The following ARL8B variants were observed in gnomAD, a reference collection of about 807,000 sequenced individuals.
ARL8B encodes ARF like GTPase 8B.
Under a neutral mutation model 30.6 loss-of-function variants are expected in ARL8B, and 9 were observed. That is an observed-to-expected ratio of 0.29 (90% CI 0.18 to 0.51). The LOEUF (loss-of-function observed/expected upper bound fraction) is 0.51, where lower values mean the gene tolerates loss of function less well. Among genes scored for constraint, ARL8B ranks in the 20% least tolerant of loss-of-function variants. The pLI, the probability that ARL8B is intolerant of heterozygous loss-of-function variation, is 0.97. For synonymous variants in ARL8B, 74 were observed against 76.0 expected, an observed-to-expected ratio of 0.97 and a Z score of 0.14; for missense variants, 130 against 227.2, an observed-to-expected ratio of 0.57 and a Z score of 2.75.
In ARL8B at chr3:5,166,871, A is replaced by C. The variant is rs958335997; in HGVS notation, c.124-3632A>C. ...GCTTTAGCCTTTGGTATGCTAATGA[A>C]TTTGGGAAAAGCCACATTTTTCTGC... On this transcript the variant is annotated intron_variant, in intron 1 of 6. Transcript: ENST00000256496. 2.0e-5 allele frequency among the ~76,000 whole-genome samples: 3 copies of C among 152,196 alleles called. No homozygotes were observed. In the East Asian group the frequency reaches 5.8e-4, roughly 29 times the overall value.
intron 1 of ARL8B, chr3:5,128,445 TG>T (rs2054251679): frequency 2.2e-6 from 1 of 454,080 alleles, no homozygotes; most frequent in Non-Finnish European, 4.4e-6. Flanking sequence ...TCCAATTATT[TG>T]TTTTTCCTTG....
intron 1 of ARL8B, among the ~76,000 whole-genome samples, chr3:5,162,560 T>C (rs1426310805): frequency 6.6e-6 from 1 of 152,218 alleles, no homozygotes; most frequent in Non-Finnish European, 1.5e-5. Flanking sequence ...TGTTGGCCCA[T>C]GGGGAGAATT....
chr3:5,122,809 G>A (rs2054194278), intron 1 of ARL8B, among the ~76,000 whole-genome samples: 1 of 152,258 alleles, frequency 6.6e-6, no homozygotes, highest in Non-Finnish European at 1.5e-5. Context: ...GGTTAAGTCA[G>A]TGTAGACATT....
At chr3:5,141,229 C>T (rs2054370918) in intron 1 of ARL8B, among the ~76,000 whole-genome samples, 1 of 152,130 alleles carries the variant, frequency 6.6e-6, no homozygotes, top group Non-Finnish European at 1.5e-5. Flanking sequence ...GGCTGGCTTC[C>T]AGTACTTAGA....
intron 1 of ARL8B, among the ~76,000 whole-genome samples, chr3:5,125,572 G>A (rs1424946016): frequency 2.8e-5 from 4 of 145,360 alleles, no homozygotes; most frequent in African/African-American, 1.0e-4. Flanking sequence ...CCGCTGTGTT[G>A]CCCAGGCTGG....
At chr3:5,139,123 A>G (rs1056563554) in intron 1 of ARL8B, among the ~76,000 whole-genome samples, 2 of 152,246 alleles carry the variant, frequency 1.3e-5, no homozygotes, top group Non-Finnish European at 2.9e-5. Context: ...GTAGAAGGGA[A>G]CATGAGACAA....
chr3:5,152,131 G>T (rs1456848576), intron 1 of ARL8B, among the ~76,000 whole-genome samples: 1 of 152,180 alleles, frequency 6.6e-6, no homozygotes, highest in Non-Finnish European at 1.5e-5. Flanking sequence ...GTTGGTTGTT[G>T]TGGTAAGTTC....
At chr3:5,156,382 G>C (rs2054533438) in intron 1 of ARL8B, among the ~76,000 whole-genome samples, 1 of 146,404 alleles carries the variant, frequency 6.8e-6, no homozygotes, top group African/African-American at 2.5e-5. Flanking sequence ...CTTCCCCAGA[G>C]TTTACTGCCT....
intron 1 of ARL8B, among the ~76,000 whole-genome samples, chr3:5,170,163 C>G (rs1300291384): frequency 2.6e-5 from 4 of 152,174 alleles, no homozygotes; most frequent in African/African-American, 7.2e-5. Context: ...AGTTTTATTT[C>G]TGATCTCATC....
chr3:5,162,816 G>GGTAT (rs2054593632), intron 1 of ARL8B, among the ~76,000 whole-genome samples: 1 of 151,912 alleles, frequency 6.6e-6, no homozygotes, highest in African/African-American at 2.4e-5. Flanking sequence ...CTGTTCCATG[G>GGTAT]GTATATTTTG....
At chr3:5,122,930 G>A (rs1253434632) in intron 1 of ARL8B, among the ~76,000 whole-genome samples, 1 of 152,206 alleles carries the variant, frequency 6.6e-6, no homozygotes, top group African/African-American at 2.4e-5. Flanking sequence ...TGCCCAGTAG[G>A]GGCAGCCAAA....
chr3:5,138,310 A>T (rs1449281967), intron 1 of ARL8B, among the ~76,000 whole-genome samples: 1 of 151,846 alleles, frequency 6.6e-6, no homozygotes, highest in Non-Finnish European at 1.5e-5. Context: ...AAGCTTTTGT[A>T]CAAATAATGA....
At chr3:5,166,186 C>T (rs972517967) in intron 1 of ARL8B, among the ~76,000 whole-genome samples, 6 of 151,500 alleles carry the variant, frequency 4.0e-5, no homozygotes, top group East Asian at 3.9e-4. Context: ...ATTACAGGCA[C>T]GCGCCACCAC....
At chr3:5,170,628 C>A (rs757868511) in intron 2 of ARL8B, 45 bp downstream of exon 2, 3 of 1,423,962 alleles carry the variant, frequency 2.1e-6, no homozygotes, top group East Asian at 2.4e-5. Flanking sequence ...TTAGCACAGA[C>A]CCCTAGAAAT....
chr3:5,168,714 C>G (rs565031970), intron 1 of ARL8B, among the ~76,000 whole-genome samples: 1 of 152,278 alleles, frequency 6.6e-6, no homozygotes, highest in African/African-American at 2.4e-5. Flanking sequence ...GATAAACTGA[C>G]CCAGAAACAT....
intron 1 of ARL8B, among the ~76,000 whole-genome samples, chr3:5,141,505 C>G (rs2054372710): frequency 1.3e-5 from 2 of 152,178 alleles, no homozygotes; most frequent in South Asian, 4.1e-4. Flanking sequence ...ACAAGTAATA[C>G]TACATCCCAC....
chr3:5,145,092 C>G (rs1054818154), intron 1 of ARL8B, among the ~76,000 whole-genome samples: 1 of 151,938 alleles, frequency 6.6e-6, no homozygotes, highest in Non-Finnish European at 1.5e-5. Flanking sequence ...TCTCTCTTTG[C>G]CATCTATCCA....
At chr3:5,139,416 T>C (rs913592668) in intron 1 of ARL8B, among the ~76,000 whole-genome samples, 1 of 152,248 alleles carries the variant, frequency 6.6e-6, no homozygotes, top group Non-Finnish European at 1.5e-5. Flanking sequence ...TTTAGGGGCT[T>C]CATTTATCTT....
At chr3:5,157,130 T>C (rs369656755) in intron 1 of ARL8B, 1 of 152,202 alleles carries the variant, frequency 6.6e-6, no homozygotes, top group African/African-American at 2.4e-5. Context: ...TCTAATATGA[T>C]GTTAGTTTTC....
Sources: allele counts gnomAD v4.1 joint callset (sites outside exome capture counted in the v4.1 genomes callset), GRCh38; gene constraint gnomAD v4.1.1; transcripts MANE v1.5; gene names NCBI Gene and HGNC (gene_info 2026-07-23, HGNC 2026-07-21).